Variants in NLRP7 observed in about 807,000 individuals in gnomAD.
NLRP7 encodes the protein NLR family pyrin domain containing 7, also known as NACHT, LRR and PYD domains-containing protein 7.
Under a neutral mutation model 85.5 loss-of-function variants are expected in NLRP7, and 72 were observed. The ratio of observed to expected loss-of-function variants is 0.84; its 90% CI spans 0.70 to 1.02. The LOEUF is 1.02. Ranked by LOEUF, NLRP7 falls within the 50% of genes least tolerant of loss-of-function variation. The pLI, the probability that NLRP7 is intolerant of heterozygous loss-of-function variation, is 0.00. For synonymous variants in NLRP7, 550 were observed against 505.2 expected (o/e 1.09, Z -1.19); for missense variants, 1,243 against 1,219.5 (o/e 1.02, Z -0.29).
At chr19:54,946,043 G>A (rs1181404029) in intron 1 of NLRP7, among the ~76,000 whole-genome samples, 7 of 151,808 alleles carry the variant, frequency 4.6e-5, no homozygotes, top group Admixed American at 1.3e-4. Context: ...CGCCCGCCTC[G>A]GCCTCCCATA....
intron 9 of NLRP7, among the ~76,000 whole-genome samples, chr19:54,929,494 C>T (rs888952368): frequency 6.6e-6 from 1 of 152,076 alleles, no homozygotes; most frequent in Non-Finnish European, 1.5e-5. Context: ...AGGTTGCATC[C>T]AAGAGATGCA....
chr19:54,931,689 A>AT (rs577344697), intron 8 of NLRP7, among the ~76,000 whole-genome samples: 3,597 of 150,920 alleles, frequency 0.024, 134 homozygotes, highest in African/African-American at 0.081. Context: ...CCATCTCAAA[A>AT]AAAAAAAAAA....
chr19:54,934,687 T>C lies in NLRP7; in HGVS notation c.2301-28A>G. 6.3e-7 allele frequency: 1 copy of C among 1,598,990 alleles called. No homozygotes were observed. The highest frequency in any genetic ancestry group is 8.5e-7 in the Non-Finnish European group (1 of 1,171,386). Reference sequence around the variant, plus strand: ...GTGAAAAGAGTGGGAAAAGTCATTCTTCTGGGAGGACAGAGTATACCCTAT... The same window carrying C: ...GTGAAAAGAGTGGGAAAAGTCATTCCTCTGGGAGGACAGAGTATACCCTAT... On this transcript the variant is annotated intron_variant, in intron 6 of 9. Coordinates refer to ENST00000340844, the Ensembl canonical transcript of NLRP7. The surrounding 1 kb of genome is among the most constrained non-coding windows in gnomAD (Gnocchi z 6.7).
chr19:54,939,196 C>G (rs1424145439), exon 4 of NLRP7: 1 of 1,614,106 alleles, frequency 6.2e-7, no homozygotes, highest in African/African-American at 1.3e-5. Flanking sequence ...CCGGTGACAT[C>G]CGGCAGCCAA....
At position 54,934,430 on chromosome 19, in the gene NLRP7, C is replaced by G; in HGVS notation, c.2471+59G>C. The G allele has an allele frequency of 6.4e-7, 1 of 1,572,358 alleles. No homozygotes were observed. Among genetic ancestry groups the G allele is most frequent in the African/African-American group, 1.3e-5 (1 of 74,184 alleles). On this transcript the variant is annotated intron_variant, in intron 7 of 9. Transcript: ENST00000340844. The surrounding 1 kb of genome is among the most constrained non-coding windows in gnomAD (Gnocchi z 6.7). ...GTGGCGCAGTAAGTCAGGTGTTACC[C>G]TTTCTCTTCTATAGCCCCAGAACTA...
At chr19:54,961,477 A>G in intron 1 of NLRP7, among the ~76,000 whole-genome samples, 1 of 151,598 alleles carries the variant, frequency 6.6e-6, no homozygotes, top group African/African-American at 2.4e-5. Context: ...CAGCCTGGGC[A>G]ACAACAGAGA....
rs1397809158 is a variant in NLRP7 at position 54,956,161 on chromosome 19, AGGGAAG to A, written c.-76-8662_-76-8657del. On this transcript the variant is annotated intron_variant, in intron 1 of 2. Coordinates refer to the NLRP7 transcript ENST00000587103. Reference sequence around the variant, plus strand: ...GAAGGAAGGAGGGAAGGAGGGAAGGAGGGAAGGGAAGGAGGGAAAGGAAGTCAGTCT... The same window carrying A: ...GAAGGAAGGAGGGAAGGAGGGAAGGAGGAAGGAGGGAAAGGAAGTCAGTCT... 2.8e-3 allele frequency among the ~76,000 whole-genome samples: 429 copies of A among 151,284 alleles called. 5 individuals carry two copies. Among genetic ancestry groups the A allele is most frequent in the African/African-American group, 9.9e-3 (408 of 41,144 alleles).
intron 8 of NLRP7, 74 bp from the exon 9 acceptor site, chr19:54,930,740 CTA>C: frequency 1.6e-6 from 2 of 1,225,406 alleles, no homozygotes; most frequent in Non-Finnish European, 2.4e-6. Context: ...ATTTCCAACA[CTA>C]TATACCTTCC....
chr19:54,941,300 C>T (rs964273327), intron 2 of NLRP7, 135 bp downstream of exon 2: 66 of 700,876 alleles, frequency 9.4e-5, no homozygotes, highest in African/African-American at 2.3e-4. Flanking sequence ...AACCCAGAGG[C>T]GGAGGTTGCA....
At chr19:54,931,451 A>G (rs945466263) in intron 8 of NLRP7, among the ~76,000 whole-genome samples, 1 of 152,128 alleles carries the variant, frequency 6.6e-6, no homozygotes, top group African/African-American at 2.4e-5. Flanking sequence ...GCACTTTGGG[A>G]GGCTGAGGCA....
At chr19:54,945,055 C>T (rs1011184922) in intron 1 of NLRP7, among the ~76,000 whole-genome samples, 3 of 151,360 alleles carry the variant, frequency 2.0e-5, no homozygotes, top group Non-Finnish European at 2.9e-5. Context: ...CTGGCTAACA[C>T]GGTGAAACCC....
chr19:54,951,402 G>A (rs140297424), upstream of NLRP7, among the ~76,000 whole-genome samples: 50 of 151,864 alleles, frequency 3.3e-4, no homozygotes, highest in African/African-American at 1.2e-3. Flanking sequence ...AAAAATTAGC[G>A]GGGCATGGTA....
chr19:54,955,866 T>A (rs1196226881), intron 1 of NLRP7, among the ~76,000 whole-genome samples: 3 of 152,012 alleles, frequency 2.0e-5, no homozygotes, highest in Non-Finnish European at 4.4e-5. Flanking sequence ...ATTATAGACA[T>A]TCGCTCCCAT....
At position 54,934,665 on chromosome 19, in the gene NLRP7, A is replaced by G. The variant is rs201998513; in HGVS notation, c.2301-6T>C. ...TGGCACAGTGACCTCCCAACCTGTG[A>G]AAAGAGTGGGAAAAGTCATTCTTCT... On this transcript the variant is annotated splice_region_variant and splice_polypyrimidine_tract_variant and intron_variant, in intron 6 of 9. Transcript: ENST00000340844. The surrounding 1 kb of genome is among the most constrained non-coding windows in gnomAD (Gnocchi z 6.7). The G allele has an allele frequency of 1.9e-6, 3 of 1,611,460 alleles. No homozygotes were observed. Among genetic ancestry groups the G allele is most frequent in the African/African-American group, 1.3e-5 (1 of 74,902 alleles).
rs10401568 is a variant in NLRP7, at chr19:54,934,360, C to T, written c.2471+129G>A. 4.8e-3 allele frequency: 4,436 copies of T among 924,440 alleles called. 114 individuals carry two copies. In the African/African-American group the frequency reaches 0.058, roughly 12 times the overall value. The allele number at this position is 924,440 out of a possible 1,614,324, so 57.3% of individuals were successfully genotyped here. On this transcript the variant is annotated intron_variant, in intron 7 of 9. Transcript: ENST00000340844. This position sits in a 1 kb window ranked among gnomAD's most constrained non-coding sequence, Gnocchi z 6.7. ...GAGATTACAGGCAGGAGCCACCGTG[C>T]CGGGCCTGAAGCAGGTGTTTATTTC... is the stretch of plus-strand genomic sequence containing the variant.
exon 4 of NLRP7, chr19:54,939,728 G>T (rs777760472): frequency 1.2e-6 from 2 of 1,613,500 alleles, no homozygotes; most frequent in Non-Finnish European, 1.7e-6. Context: ...CCAGCACACC[G>T]CGGGGGCCGA....
At chr19:54,939,624 A>G (rs752209839) in exon 4 of NLRP7, 11 of 1,610,926 alleles carry the variant, frequency 6.8e-6, no homozygotes, top group African/African-American at 1.3e-5. Context: ...AACCGGCTGC[A>G]GAGGAAACGC....
chr19:54,939,650 C>T lies in NLRP7; in HGVS notation c.1169G>A (p.Arg390His), dbSNP rs141694326. The change falls in exon 4 of 10, where the codon CGC (arginine) becomes CAC (histidine). Residue 390 changes from arginine (R) to histidine (H), a missense_variant. Transcript: ENST00000340844. The stretch of plus-strand genomic sequence containing the variant: ...GAGGAAACGCAGGAACAGCCCCGTG[C>T]GGGTGAGGCAGGTGGGGACCGGGTC... 3.2e-4 allele frequency: 510 copies of T among 1,611,766 alleles called. 1 individual carries two copies. In the African/African-American group the frequency reaches 5.9e-3, roughly 19 times the overall value.
At chr19:54,952,880 G>A (rs781403747) in intron 1 of NLRP7, among the ~76,000 whole-genome samples, 14 of 152,046 alleles carry the variant, frequency 9.2e-5, no homozygotes, top group East Asian at 1.9e-4. Context: ...TGACAGGCAC[G>A]GTGGCCCAGC....
Sources: allele counts gnomAD v4.1 joint callset (sites outside exome capture counted in the v4.1 genomes callset), GRCh38; gene constraint gnomAD v4.1.1; non-coding constraint Gnocchi (gnomAD v3.1); transcripts MANE v1.5; gene names NCBI Gene and HGNC (gene_info 2026-07-23, HGNC 2026-07-21).